The following FLVCR2 variants were observed in gnomAD, a reference collection of about 807,000 sequenced individuals.
FLVCR2 encodes the protein choline/ethanolamine transporter FLVCR2.
Under a neutral mutation model 48.9 loss-of-function variants are expected in FLVCR2, and 38 were observed. The ratio of observed to expected loss-of-function variants is 0.78; its 90% confidence interval spans 0.60 to 1.02. The LOEUF is 1.02. Ranked by LOEUF, FLVCR2 falls within the 50% of genes least tolerant of loss-of-function variation. The pLI is 0.00. For synonymous variants in FLVCR2, 255 were observed against 257.0 expected (o/e 0.99, Z 0.07); for missense variants, 664 against 663.3 (o/e 1.00, Z -0.01).
In FLVCR2 at chr14:75,579,058, T is replaced by C; in HGVS notation, c.86T>C (p.Val29Ala). 1 of 1,604,408 alleles carries C rather than the reference T, an allele frequency of 6.2e-7. No homozygotes were observed. Among genetic ancestry groups the C allele is most frequent in the Non-Finnish European group, 8.5e-7 (1 of 1,173,074 alleles). The stretch of plus-strand genomic sequence containing the variant: ...CTCCAAGCGGACCCCAGCGTCTCGG[T>C]CCATCCCAGCGTCTCGGTCCATCCC... Reference protein sequence around the residue: ...SALQADPSVSVHPSVSVHPSV... With the variant: ...SALQADPSVSAHPSVSVHPSV... Residue 29 changes from valine (V) to alanine (A), a missense_variant, in exon 1 of 10, where the codon GTC becomes GCC. Coordinates refer to ENST00000238667, the MANE Select transcript of FLVCR2 (RefSeq NM_017791.3).
In FLVCR2 at chr14:75,646,512, C is replaced by G. The variant is rs113982903; in HGVS notation, c.*40C>G. ...CAACTCAGGGAACACGAACACCCCA[C>G]CTTTTCCTTCAGCACAGCTCTCACC... On this transcript the variant is annotated 3_prime_UTR_variant, in exon 10 of 10. Transcript: ENST00000238667. 2.8e-6 allele frequency: 4 copies of G among 1,425,532 alleles called. No homozygotes were observed. The allele number at this position is 1,425,532 out of a possible 1,614,324, so 88.3% of individuals were successfully genotyped here. A position where few individuals can be genotyped will look rare whatever the true frequency, so the allele number is the denominator to read the frequency against.
At chr14:75,634,517 T>C (rs1890118164) in intron 4 of FLVCR2, among the ~76,000 whole-genome samples, 1 of 152,190 alleles carries the variant, frequency 6.6e-6, no homozygotes, top group Non-Finnish European at 1.5e-5. Context: ...CCTCTTGGCA[T>C]TGATAGTTCA....
At chr14:75,592,475 C>T (rs1390408462) in intron 1 of FLVCR2, among the ~76,000 whole-genome samples, 1 of 152,158 alleles carries the variant, frequency 6.6e-6, no homozygotes, top group African/African-American at 2.4e-5. Context: ...ACCTGGCTCC[C>T]TTCTGTCAGA....
chr14:75,622,858 A>T (rs907619208), intron 2 of FLVCR2, among the ~76,000 whole-genome samples: 5 of 152,224 alleles, frequency 3.3e-5, no homozygotes, highest in Non-Finnish European at 7.3e-5. Context: ...TATGCTTATT[A>T]TAGAAAAATC....
intron 5 of FLVCR2, among the ~76,000 whole-genome samples, chr14:75,637,822 T>C (rs1202442156): frequency 1.3e-5 from 2 of 151,696 alleles, no homozygotes; most frequent in Non-Finnish European, 2.9e-5. Flanking sequence ...GGATGTGCAG[T>C]GCCTATGCCC....
chr14:75,623,387 A>G (rs1180139566), intron 2 of FLVCR2, among the ~76,000 whole-genome samples: 1 of 152,166 alleles, frequency 6.6e-6, no homozygotes, highest in East Asian at 1.9e-4. Context: ...TATATGGGCT[A>G]TGATAAACTT....
At chr14:75,640,405 T>TTGTGTGTGTGTG (rs10562124) in intron 6 of FLVCR2, among the ~76,000 whole-genome samples, 14 of 148,396 alleles carry the variant, frequency 9.4e-5, no homozygotes, top group Admixed American at 2.7e-4. Flanking sequence ...ATATGAGTGT[T>TTGTGTGTGTGTG]TGTGTGTGTG....
At chr14:75,604,558 TA>T (rs1594798245) in intron 1 of FLVCR2, among the ~76,000 whole-genome samples, 1 of 129,024 alleles carries the variant, frequency 7.8e-6, no homozygotes, top group Non-Finnish European at 1.5e-5. Context: ...TCCCTGTCTC[TA>T]CCTAAAAAAA....
chr14:75,643,132 G>A (rs1594817983), intron 9 of FLVCR2, among the ~76,000 whole-genome samples: 2 of 152,204 alleles, frequency 1.3e-5, no homozygotes, highest in East Asian at 3.8e-4. Context: ...AAAGTGCTGG[G>A]ATTACAGGAG....
chr14:75,583,474 C>T (rs930174547), intron 1 of FLVCR2, among the ~76,000 whole-genome samples: 76 of 152,024 alleles, frequency 5.0e-4, no homozygotes, highest in African/African-American at 1.7e-3. Flanking sequence ...GTAATGGGCT[C>T]GTGATCGGTT....
At chr14:75,631,338 G>A (rs72723675) in intron 3 of FLVCR2, among the ~76,000 whole-genome samples, 8,197 of 152,216 alleles carry the variant, frequency 0.054, 255 homozygotes, top group Middle Eastern at 0.12. Flanking sequence ...GCAAATTGCC[G>A]GGGGCCTCAC....
intron 1 of FLVCR2, among the ~76,000 whole-genome samples, chr14:75,591,764 G>A (rs1417483323): frequency 6.6e-6 from 1 of 150,980 alleles, no homozygotes; most frequent in Admixed American, 6.6e-5. Context: ...CCACATGGCA[G>A]GTTTCTGCCT....
chr14:75,605,736 G>C (rs1889275542), intron 1 of FLVCR2: 2 of 1,016,098 alleles, frequency 2.0e-6, no homozygotes, highest in South Asian at 2.7e-5. Context: ...TCTCCAGAGA[G>C]GAGTTGAACA....
At chr14:75,631,737 C>T (rs1457605415) in intron 3 of FLVCR2, 1 of 455,846 alleles carries the variant, frequency 2.2e-6, no homozygotes, top group East Asian at 6.9e-5. Flanking sequence ...TTTCTTTCTT[C>T]TCCTTCCCAC....
intron 3 of FLVCR2, among the ~76,000 whole-genome samples, 159 bp downstream of exon 3, chr14:75,624,911 CA>C (rs1422317725): frequency 2.0e-5 from 3 of 152,182 alleles, no homozygotes; most frequent in African/African-American, 7.2e-5. Context: ...AGGGCCTTTG[CA>C]TGTGTTGTAA....
chr14:75,632,886 G>A, intron 3 of FLVCR2: 1 of 702,386 alleles, frequency 1.4e-6, no homozygotes, highest in Admixed American at 2.0e-5. Flanking sequence ...CCATAGGTAT[G>A]TGCAGCCGCC....
Position 75,617,066 on chromosome 14 carries a change from T to G in FLVCR2, c.670-5013T>G, listed in dbSNP as rs530645425. ...GACTTAGGGCTTTGTGAATGGTGGG[T>G]GGGGACAGTGGATGGTGGAAGAGGA... On this transcript the variant is annotated intron_variant, in intron 1 of 9. Transcript: ENST00000238667. Among the ~76,000 whole-genome samples, 6 of 152,212 alleles carry G rather than the reference T, an allele frequency of 3.9e-5. No individual in the cohort carries two copies. In the East Asian group the frequency reaches 1.2e-3, roughly 29 times the overall value.
At chr14:75,624,417 G>A (rs1392853228) in intron 2 of FLVCR2, among the ~76,000 whole-genome samples, 195 bp from the exon 3 acceptor site, 1 of 152,030 alleles carries the variant, frequency 6.6e-6, no homozygotes, top group Non-Finnish European at 1.5e-5. Flanking sequence ...GGTATCAAAG[G>A]ACCATTCACT....
chr14:75,584,907 C>G (rs1300394364), intron 1 of FLVCR2, among the ~76,000 whole-genome samples: 1 of 152,218 alleles, frequency 6.6e-6, no homozygotes, highest in Non-Finnish European at 1.5e-5. Context: ...CACATGTACC[C>G]TGACTATGCC....
Sources: allele counts gnomAD v4.1 joint callset (sites outside exome capture counted in the v4.1 genomes callset), GRCh38; gene constraint gnomAD v4.1.1; transcripts MANE v1.5; gene names NCBI Gene and HGNC (gene_info 2026-07-23, HGNC 2026-07-21).